Variants in DEFB115 observed in about 807,000 individuals in gnomAD.
DEFB115 encodes beta-defensin 115.
DEFB115 carries 7 observed loss-of-function variants against 8.8 expected under a neutral mutation model. That is an observed-to-expected ratio of 0.79 (90% CI 0.45 to 1.49). The LOEUF (loss-of-function observed/expected upper bound fraction) is 1.49, where lower values mean the gene tolerates loss of function less well. Among genes scored for constraint, DEFB115 ranks in the 40% most tolerant of loss-of-function variants. The pLI, the probability that DEFB115 is intolerant of heterozygous loss-of-function variation, is 0.01. For missense variants in DEFB115, 143 were observed against 99.4 expected (o/e 1.44, Z -1.86); for synonymous variants, 62 against 37.6 (o/e 1.65, Z -2.37).
Position 31,259,464 on chromosome 20 carries a change from A to G in DEFB115, c.99A>G (p.Gly33=), listed in dbSNP as rs751521960. The G allele has an allele frequency of 3.1e-6, 5 of 1,592,764 alleles. No individual in the cohort carries two copies. In the Admixed American group the frequency reaches 5.5e-5, roughly 18 times the overall value. The change falls in exon 2 of 2, where the codon GGA becomes GGG. Residue 33 remains glycine, a synonymous_variant. Coordinates refer to ENST00000400552, the MANE Select transcript of DEFB115 (RefSeq NM_001037730.1). ...TGTGTTTGCTTATTTTGATAGATGG[A>G]TGGATCAGAAGGTGCTATTATGGAA... ...LVVLAQTAPD[G]WIRRCYYGTG... is the part of the protein sequence containing the mutation.
At position 31,259,566 on chromosome 20, in the gene DEFB115, C is replaced by G; in HGVS notation, c.201C>G (p.Val67=). Residue 67 remains valine (V), a synonymous_variant, in exon 2 of 2, where the codon GTC becomes GTG. Coordinates refer to ENST00000400552, the MANE Select transcript of DEFB115 (RefSeq NM_001037730.1). ...GTGGGGAAAAACATATTTGCTGTGTCCCTAAAGAAAAGGATAAACTATCAC... is the reference window on the plus strand; with the variant it reads ...GTGGGGAAAAACATATTTGCTGTGTGCCTAAAGAAAAGGATAAACTATCAC... ...EKCGEKHICC[V]PKEKDKLSHI... is the part of the protein sequence containing the mutation. 6.2e-7 allele frequency: 1 copy of G among 1,611,776 alleles called. No homozygotes were observed. Among genetic ancestry groups the G allele is most frequent in the South Asian group, 1.1e-5 (1 of 90,764 alleles).
intron 1 of DEFB115, among the ~76,000 whole-genome samples, chr20:31,258,521 T>G (rs946545164): frequency 6.6e-6 from 1 of 152,212 alleles, no homozygotes; most frequent in African/African-American, 2.4e-5. Context: ...CTGAAAGCCT[T>G]TGCCAATCAC....
chr20:31,258,276 G>A (rs1406267528), intron 1 of DEFB115, among the ~76,000 whole-genome samples: 1 of 152,158 alleles, frequency 6.6e-6, no homozygotes, highest in African/African-American at 2.4e-5. Context: ...ATAAAAACAG[G>A]CTCACAGTAT....
At chr20:31,258,607 G>A (rs1182420750) in intron 1 of DEFB115, among the ~76,000 whole-genome samples, 5 of 152,162 alleles carry the variant, frequency 3.3e-5, no homozygotes, top group African/African-American at 7.2e-5. Flanking sequence ...ATGTTCCAGC[G>A]AGGGCAAGTA....
At chr20:31,258,036 T>C (rs1002055837) in intron 1 of DEFB115, among the ~76,000 whole-genome samples, 2 of 152,184 alleles carry the variant, frequency 1.3e-5, no homozygotes, top group African/African-American at 4.8e-5. Flanking sequence ...ACATCTCTAG[T>C]ATCCTGAATG....
chr20:31,258,358 A>T (rs192807689), intron 1 of DEFB115, among the ~76,000 whole-genome samples: 1 of 152,298 alleles, frequency 6.6e-6, no homozygotes, highest in East Asian at 1.9e-4. Flanking sequence ...CAGTATAAAC[A>T]GGCATCATGG....
chr20:31,258,021 C>A (rs1173804638), intron 1 of DEFB115, among the ~76,000 whole-genome samples: 1 of 152,178 alleles, frequency 6.6e-6, no homozygotes, highest in Non-Finnish European at 1.5e-5. Context: ...GCAGAAGCAA[C>A]CCCAACATCT....
chr20:31,259,329 C>A, intron 1 of DEFB115, 131 bp from the exon 2 acceptor site: 2 of 900,374 alleles, frequency 2.2e-6, no homozygotes, highest in Non-Finnish European at 3.2e-6. Flanking sequence ...TTATAACATT[C>A]CCATGAATGC....
chr20:31,258,296 G>T (rs574423657), intron 1 of DEFB115, among the ~76,000 whole-genome samples: 5 of 152,176 alleles, frequency 3.3e-5, no homozygotes, highest in South Asian at 2.1e-4. Flanking sequence ...TGGAGCTGGG[G>T]TTACAGCAGA....
At chr20:31,258,223 A>G (rs921463600) in intron 1 of DEFB115, among the ~76,000 whole-genome samples, 1 of 152,152 alleles carries the variant, frequency 6.6e-6, no homozygotes, top group African/African-American at 2.4e-5. Context: ...CTTGGAATAT[A>G]TGGTGAAAAA....
intron 1 of DEFB115, among the ~76,000 whole-genome samples, chr20:31,258,528 T>C (rs1300170007): frequency 6.6e-6 from 1 of 152,216 alleles, no homozygotes; most frequent in Non-Finnish European, 1.5e-5. Flanking sequence ...CCTTTGCCAA[T>C]CACTCAGTTG....
Position 31,257,716 on chromosome 20 carries a change from T to G in DEFB115, c.53T>G (p.Leu18Arg). 1 of 1,614,046 alleles carries G rather than the reference T, an allele frequency of 6.2e-7. No homozygotes were observed. Among genetic ancestry groups the G allele is most frequent in the Non-Finnish European group, 8.5e-7 (1 of 1,179,964 alleles). ...TCAGGAGACATTAAACTCTCTGTCC[T>G]GGCCTTAGTTGTCCTTGTGGTCCTG... ...PLSGDIKLSVLALVVLVVLAQ... is the reference protein window; with the variant it reads ...PLSGDIKLSVRALVVLVVLAQ... Residue 18 changes from leucine to arginine, a missense_variant, in exon 1 of 2, where the codon CTG (leucine) becomes CGG (arginine). By Grantham distance (102) the Leu-to-Arg change is moderately radical. Transcript: ENST00000400552.
chr20:31,259,343 T>C (rs1177954433), intron 1 of DEFB115, 117 bp from the exon 2 acceptor site: 2 of 1,076,464 alleles, frequency 1.9e-6, no homozygotes, highest in Non-Finnish European at 2.5e-6. Flanking sequence ...TGAATGCCTT[T>C]AAGTGTCAAA....
chr20:31,259,333 T>G (rs749551504), intron 1 of DEFB115, 127 bp from the exon 2 acceptor site: 153 of 941,924 alleles, frequency 1.6e-4, no homozygotes, highest in Admixed American at 1.1e-3. Flanking sequence ...AACATTCCCA[T>G]GAATGCCTTT....
chr20:31,257,762 A>G lies in DEFB115; in HGVS notation c.94+5A>G. ...TCCTGGCTCAGACTGCCCCAGGTAA[A>G]CAGAACCATGGAGAGAAGGGAAAAG... On this transcript the variant is annotated splice_donor_5th_base_variant and intron_variant, in intron 1 of 1. Transcript: ENST00000400552. The G allele has an allele frequency of 6.2e-7, 1 of 1,610,284 alleles. No individual in the cohort carries two copies. Among genetic ancestry groups the G allele is most frequent in the South Asian group, 1.1e-5 (1 of 91,006 alleles).
At chr20:31,259,428 T>C (rs201512507) in intron 1 of DEFB115, 32 bp from the exon 2 acceptor site, 1 of 1,542,120 alleles carries the variant, frequency 6.5e-7, no homozygotes, top group East Asian at 2.3e-5. Context: ...TCAAATGTAT[T>C]TATATATTCA....
intron 1 of DEFB115, among the ~76,000 whole-genome samples, chr20:31,258,500 A>G (rs6060436): frequency 0.19 from 29,570 of 152,180 alleles, 3,807 homozygotes; most frequent in African/African-American, 0.36. Flanking sequence ...CTCTTGGAGC[A>G]GCTATTCAAG....
Position 31,257,703 on chromosome 20 carries a change from A to G in DEFB115, c.40A>G (p.Lys14Glu). The change falls in exon 1 of 2, where the codon AAA (lysine) becomes GAA (glutamate). Residue 14 changes from lysine to glutamate, a missense_variant. Physicochemically the swap from Lys to Glu is moderately conservative, Grantham distance 56. Coordinates refer to ENST00000400552, the MANE Select transcript of DEFB115 (RefSeq NM_001037730.1). Reference sequence around the variant, plus strand: ...TTTCTCACCCCTCTCAGGAGACATTAAACTCTCTGTCCTGGCCTTAGTTGT... The same window carrying G: ...TTTCTCACCCCTCTCAGGAGACATTGAACTCTCTGTCCTGGCCTTAGTTGT... ...DHFSPLSGDI[K>E]LSVLALVVLV... The G allele has an allele frequency of 1.2e-6, 2 of 1,613,980 alleles. No individual in the cohort carries two copies. The highest frequency in any genetic ancestry group is 1.7e-6 in the Non-Finnish European group (2 of 1,179,928).
rs1327540432 is a variant in DEFB115, at chr20:31,257,741, G to T, written c.78G>T (p.Leu26=). ...TGGCCTTAGTTGTCCTTGTGGTCCT[G>T]GCTCAGACTGCCCCAGGTAAACAGA... ...SVLALVVLVV[L]AQTAPDGWIR... is the part of the protein sequence containing the mutation. The change falls in exon 1 of 2, where the codon CTG becomes CTT. Residue 26 remains leucine, a synonymous_variant. Transcript: ENST00000400552. 6.2e-7 allele frequency: 1 copy of T among 1,613,760 alleles called. No individual in the cohort carries two copies. Among genetic ancestry groups the T allele is most frequent in the South Asian group, 1.1e-5 (1 of 91,074 alleles).
Sources: allele counts gnomAD v4.1 joint callset (sites outside exome capture counted in the v4.1 genomes callset), GRCh38; gene constraint gnomAD v4.1.1; transcripts MANE v1.5; gene names NCBI Gene and HGNC (gene_info 2026-07-23, HGNC 2026-07-21).